Variants in ANKS1A observed in about 807,000 individuals in gnomAD.
ANKS1A encodes ankyrin repeat and sterile alpha motif domain containing 1A, also known as ankyrin repeat and SAM domain-containing protein 1A.
ANKS1A carries 55 observed loss-of-function variants against 120.3 expected under a neutral mutation model. That is an observed-to-expected ratio of 0.46 (90% CI 0.37 to 0.57). The LOEUF is 0.57. Ranked by LOEUF, ANKS1A falls within the 20% of genes least tolerant of loss-of-function variation. The probability of loss-of-function intolerance (pLI) is 0.00; values close to 1 mark genes in which losing one functional copy is unlikely to be tolerated. For synonymous variants in ANKS1A, 590 were observed against 604.7 expected (o/e 0.98, Z 0.36); for missense variants, 1,123 against 1,480.3 (o/e 0.76, Z 3.96).
Position 35,090,233 on chromosome 6 carries a change from G to A in ANKS1A, c.*1624G>A, listed in dbSNP as rs1581773018. 3 of 1,289,668 alleles carry A rather than the reference G, an allele frequency of 2.3e-6. No individual in the cohort carries two copies. The highest frequency in any genetic ancestry group is 3.0e-6 in the Non-Finnish European group (3 of 988,882). 79.9% of individuals were successfully genotyped at this position (1,289,668 alleles called of 1,614,324 possible). On this transcript the variant is annotated 3_prime_UTR_variant, in exon 24 of 24. Coordinates refer to ENST00000360359, the MANE Select transcript of ANKS1A (RefSeq NM_015245.3). ...TCATTTCCTGCCCCTTTCAGGGCCT[G>A]TGAGGATGCCCATGAGCTACCGCTG... is the stretch of plus-strand genomic sequence containing the variant.
chr6:35,054,975 T>C (rs911495841), intron 12 of ANKS1A, among the ~76,000 whole-genome samples: 6 of 152,218 alleles, frequency 3.9e-5, no homozygotes, highest in African/African-American at 1.4e-4. Context: ...GAAATGCCTC[T>C]CTGCCCTGAA....
chr6:35,086,074 C>T lies in ANKS1A; in HGVS notation c.3303+138C>T, dbSNP rs1056294132. The T allele has an allele frequency of 3.8e-6, 5 of 1,320,320 alleles. No homozygotes were observed. In the African/African-American group the frequency reaches 7.4e-5, roughly 20 times the overall value. 81.8% of individuals were successfully genotyped at this position (1,320,320 alleles called of 1,614,324 possible). On this transcript the variant is annotated intron_variant, in intron 22 of 23. Transcript: ENST00000360359. The surrounding 1 kb of genome is among the most constrained non-coding windows in gnomAD (Gnocchi z 5.1). ...AGGGAAATGACCCTCTTAATTGTCCCCCAACCCTGCCAGGTCTCGCCCCTG... is the reference window on the plus strand; with the variant it reads ...AGGGAAATGACCCTCTTAATTGTCCTCCAACCCTGCCAGGTCTCGCCCCTG...
chr6:34,933,148 C>T (rs1769073135), intron 1 of ANKS1A, among the ~76,000 whole-genome samples: 1 of 152,184 alleles, frequency 6.6e-6, no homozygotes, highest in Admixed American at 6.5e-5. Flanking sequence ...ATCATTTGGA[C>T]ATCTTTGAAT....
At chr6:35,011,373 G>C (rs1561911149) in intron 10 of ANKS1A, among the ~76,000 whole-genome samples, 1 of 152,310 alleles carries the variant, frequency 6.6e-6, no homozygotes, top group African/African-American at 2.4e-5. Context: ...TAGAAATCGT[G>C]GCTGGTTGGA....
chr6:35,076,833 C>T (rs1422667834), intron 13 of ANKS1A, among the ~76,000 whole-genome samples: 4 of 151,920 alleles, frequency 2.6e-5, no homozygotes, highest in African/African-American at 9.7e-5. Context: ...TTTCACAATG[C>T]TGGCCAGGCT....
At chr6:35,061,372 C>T (rs1201008059) in intron 13 of ANKS1A, among the ~76,000 whole-genome samples, 1 of 152,234 alleles carries the variant, frequency 6.6e-6, no homozygotes, top group East Asian at 1.9e-4. Flanking sequence ...TAGACCCACC[C>T]GCTCCGAGGG....
At chr6:34,925,702 G>T (rs1342980617) in intron 1 of ANKS1A, among the ~76,000 whole-genome samples, 1 of 152,134 alleles carries the variant, frequency 6.6e-6, no homozygotes, top group Non-Finnish European at 1.5e-5. Flanking sequence ...TACTCTGTGG[G>T]ATTCAGACCC....
chr6:35,022,914 G>T (rs1390728599), intron 11 of ANKS1A, among the ~76,000 whole-genome samples: 1 of 152,196 alleles, frequency 6.6e-6, no homozygotes, highest in Non-Finnish European at 1.5e-5. Context: ...TAAAAAGGCT[G>T]AGTATTCTCT....
At chr6:35,020,664 G>A (rs1774288436) in intron 11 of ANKS1A, among the ~76,000 whole-genome samples, 1 of 152,188 alleles carries the variant, frequency 6.6e-6, no homozygotes, top group African/African-American at 2.4e-5. Context: ...GCAGCCTTAT[G>A]GGCTCCACTG....
intron 1 of ANKS1A, among the ~76,000 whole-genome samples, chr6:34,905,494 A>G (rs999311716): frequency 1.3e-5 from 2 of 150,738 alleles, no homozygotes; most frequent in Non-Finnish European, 2.9e-5. Context: ...CTTCTTGAGC[A>G]CTTAATACTT....
At chr6:35,038,279 T>G (rs1182989717) in intron 11 of ANKS1A, 2 of 456,550 alleles carry the variant, frequency 4.4e-6, no homozygotes, top group East Asian at 1.4e-4. Context: ...GCTGGCACAT[T>G]GTTTGCATGC....
chr6:35,050,033 C>T lies in ANKS1A; in HGVS notation c.2011-4066C>T, dbSNP rs1211494045. On this transcript the variant is annotated intron_variant, in intron 11 of 23. Coordinates refer to ENST00000360359, the MANE Select transcript of ANKS1A (RefSeq NM_015245.3). The surrounding 1 kb of genome is among the most constrained non-coding windows in gnomAD (Gnocchi z 4.3). ...CCGCCTGGTGATGGGGGATGGAGAC[C>T]TCTCCATACAGAGCTCCACCTCCCA... 6.6e-6 allele frequency among the ~76,000 whole-genome samples: 1 copy of T among 152,118 alleles called. No individual in the cohort carries two copies. The highest frequency in any genetic ancestry group is 1.5e-5 in the Non-Finnish European group (1 of 68,016).
At chr6:34,993,924 G>A (rs1358947817) in intron 9 of ANKS1A, among the ~76,000 whole-genome samples, 2 of 152,164 alleles carry the variant, frequency 1.3e-5, no homozygotes, top group Admixed American at 1.3e-4. Context: ...ATTTTATTTA[G>A]CATTTTTTGA....
At chr6:34,992,090 A>G (rs1466351479) in intron 9 of ANKS1A, among the ~76,000 whole-genome samples, 1 of 152,154 alleles carries the variant, frequency 6.6e-6, no homozygotes, top group African/African-American at 2.4e-5. Flanking sequence ...TTGGATGAAG[A>G]AAAAAATGAA....
intron 3 of ANKS1A, chr6:34,972,514 C>T: frequency 1.2e-6 from 1 of 826,596 alleles, no homozygotes; most frequent in Non-Finnish European, 1.5e-6. Context: ...TCCCTCAGGG[C>T]TGTGTATTGC....
At chr6:35,042,167 A>C (rs1181849700) in intron 11 of ANKS1A, among the ~76,000 whole-genome samples, 1 of 152,158 alleles carries the variant, frequency 6.6e-6, no homozygotes, top group East Asian at 1.9e-4. Flanking sequence ...GAAACATTTC[A>C]TTTTTTTAAA....
At chr6:34,992,167 G>A (rs1349510531) in intron 9 of ANKS1A, among the ~76,000 whole-genome samples, 1 of 152,210 alleles carries the variant, frequency 6.6e-6, no homozygotes, top group Non-Finnish European at 1.5e-5. Context: ...CCATGGCTCT[G>A]TTGTGAGCTT....
intron 1 of ANKS1A, among the ~76,000 whole-genome samples, chr6:34,920,519 T>G (rs1255023156): frequency 6.6e-6 from 1 of 152,160 alleles, no homozygotes; most frequent in African/African-American, 2.4e-5. Flanking sequence ...CTGGATAGAC[T>G]CAGCCTTCAT....
intron 3 of ANKS1A, among the ~76,000 whole-genome samples, chr6:34,975,936 G>A (rs1030602527): frequency 1.3e-5 from 2 of 151,780 alleles, no homozygotes; most frequent in Admixed American, 1.3e-4. Context: ...TCAGGAGTTC[G>A]AGACCAGCCT....
Sources: allele counts gnomAD v4.1 joint callset (sites outside exome capture counted in the v4.1 genomes callset), GRCh38; gene constraint gnomAD v4.1.1; non-coding constraint Gnocchi (gnomAD v3.1); transcripts MANE v1.5; gene names NCBI Gene and HGNC (gene_info 2026-07-23, HGNC 2026-07-21).